DCLRE1C: variants seen among roughly 807,000 people sequenced by gnomAD.
DCLRE1C encodes the protein protein artemis.
DCLRE1C carries 47 observed loss-of-function variants against 61.4 expected under a neutral mutation model. The observed-to-expected ratio is 0.77, with a 90% confidence interval of 0.61 to 0.98. The LOEUF is 0.98. Ranked by LOEUF, DCLRE1C falls within the 50% of genes least tolerant of loss-of-function variation. The pLI, the probability that DCLRE1C is intolerant of heterozygous loss-of-function variation, is 0.00. For missense variants in DCLRE1C, 858 were observed against 816.0 expected, an observed-to-expected ratio of 1.05 and a Z score of -0.63; for synonymous variants, 337 against 287.6, an observed-to-expected ratio of 1.17 and a Z score of -1.74.
chr10:14,921,512 C>G (rs1464961288), intron 12 of DCLRE1C, among the ~76,000 whole-genome samples: 2 of 152,118 alleles, frequency 1.3e-5, no homozygotes, highest in African/African-American at 2.4e-5. Flanking sequence ...ATAGTCTGTC[C>G]TCAGTATTTT....
At chr10:14,910,995 T>C (rs1365553105) in intron 13 of DCLRE1C, among the ~76,000 whole-genome samples, 2 of 152,046 alleles carry the variant, frequency 1.3e-5, no homozygotes, top group East Asian at 3.9e-4. Context: ...AAGTGGAACA[T>C]TGAAGAAATA....
intron 2 of DCLRE1C, among the ~76,000 whole-genome samples, chr10:14,947,280 GT>G (rs748463338): frequency 1.4e-4 from 22 of 152,214 alleles, no homozygotes; most frequent in Middle Eastern, 3.4e-3. Context: ...AGCTGTGTGA[GT>G]TTTCCCAGCC....
chr10:14,931,857 G>C (rs1839052221), intron 9 of DCLRE1C, among the ~76,000 whole-genome samples: 1 of 152,052 alleles, frequency 6.6e-6, no homozygotes. Context: ...TGGCCAACAT[G>C]GCGAAACCCC....
intron 5 of DCLRE1C, 65 bp downstream of exon 5, chr10:14,936,473 T>A: frequency 2.1e-6 from 3 of 1,395,932 alleles, no homozygotes; most frequent in Non-Finnish European, 3.0e-6. Flanking sequence ...ACCCTAAAAA[T>A]TTATTTCTAC....
At position 14,908,029 on chromosome 10, in the gene DCLRE1C, TTTC is replaced by T. The variant is rs1281408874; in HGVS notation, c.*376_*378del. The T allele has an allele frequency of 5.5e-6, 1 of 182,768 alleles. No homozygotes were observed. Among genetic ancestry groups the T allele is most frequent in the Non-Finnish European group, 1.1e-5 (1 of 88,740 alleles). The allele number at this position is 182,768 out of a possible 1,614,324, so 11.3% of individuals were successfully genotyped here. A position where few individuals can be genotyped will look rare whatever the true frequency, so the allele number is the denominator to read the frequency against. On this transcript the variant is annotated 3_prime_UTR_variant, in exon 14 of 14. Coordinates refer to ENST00000378278, the MANE Select transcript of DCLRE1C (RefSeq NM_001033855.3). ...GGCATGAGCCACCGTGCCTGGCCTTTTTCTTTTTTAAACAGGGTCTTGCTCTGT... is the reference window on the plus strand; with the variant it reads ...GGCATGAGCCACCGTGCCTGGCCTTTTTTTTTAAACAGGGTCTTGCTCTGT...
rs533016271 is a variant in DCLRE1C at position 14,906,366 on chromosome 10, T to G, written c.*2042A>C. 3.1e-4 allele frequency among the ~76,000 whole-genome samples: 47 copies of G among 152,364 alleles called. 1 individual carries two copies. The highest frequency in any genetic ancestry group is 9.1e-4 in the Admixed American group (14 of 15,306). On this transcript the variant is annotated 3_prime_UTR_variant, in exon 14 of 14. Transcript: ENST00000378278. ...CTTGATCACATCTGTTGTAGTTGTCTTAGCCCAATTCATTCAGCCAGCATT... is the reference window on the plus strand; with the variant it reads ...CTTGATCACATCTGTTGTAGTTGTCGTAGCCCAATTCATTCAGCCAGCATT...
chr10:14,916,146 T>A (rs1306590415), intron 13 of DCLRE1C, among the ~76,000 whole-genome samples: 1 of 152,152 alleles, frequency 6.6e-6, no homozygotes, highest in Non-Finnish European at 1.5e-5. Context: ...GGTGAAATAA[T>A]GAACTTAATG....
chr10:14,919,680 C>T, intron 13 of DCLRE1C, 58 bp downstream of exon 13: 1 of 1,376,930 alleles, frequency 7.3e-7, no homozygotes, highest in Non-Finnish European at 1.0e-6. Context: ...CCCAAGCTCC[C>T]TGGAAAGCAG....
chr10:14,932,725 C>T (rs960625104), intron 9 of DCLRE1C, 129 bp downstream of exon 9: 7 of 1,069,692 alleles, frequency 6.5e-6, no homozygotes, highest in Admixed American at 1.9e-5. Context: ...TGACCTTGAG[C>T]TAACAACTTA....
rs188010903 is a variant in DCLRE1C at position 14,947,782 on chromosome 10, A to C, written c.161+1254T>G. Among the ~76,000 whole-genome samples the C allele has an allele frequency of 3.2e-4, 48 of 152,288 alleles. No individual in the cohort carries two copies. In the East Asian group the frequency reaches 7.5e-3, roughly 24 times the overall value. ...GTGACCAAAAAAAATTACTGAGGCCAGGAGTGGTGGCTCATGCCTGTAATC... is the reference window on the plus strand; with the variant it reads ...GTGACCAAAAAAAATTACTGAGGCCCGGAGTGGTGGCTCATGCCTGTAATC... On this transcript the variant is annotated intron_variant, in intron 2 of 13. Transcript: ENST00000378278.
At chr10:14,924,472 TC>T (rs1284562534) in intron 11 of DCLRE1C, among the ~76,000 whole-genome samples, 1 of 152,224 alleles carries the variant, frequency 6.6e-6, no homozygotes, top group Non-Finnish European at 1.5e-5. Flanking sequence ...ACCTAATGTC[TC>T]TAATTTTAGA....
At chr10:14,902,347 AATTT>A (rs1240810335), downstream of DCLRE1C, 2 of 1,242,512 alleles carry the variant, frequency 1.6e-6, no homozygotes, top group South Asian at 1.5e-5. Context: ...GAAAATTTGA[AATTT>A]ATTCTAAATT....
intron 5 of DCLRE1C, among the ~76,000 whole-genome samples, chr10:14,935,975 C>G (rs1839842342): frequency 2.0e-5 from 3 of 152,218 alleles, no homozygotes. Context: ...GTGGCTCAAT[C>G]TTGGCTCACT....
intron 1 of DCLRE1C, among the ~76,000 whole-genome samples, chr10:14,952,769 G>A (rs879598255): frequency 2.6e-5 from 4 of 152,094 alleles, no homozygotes; most frequent in Non-Finnish European, 4.4e-5. Context: ...ATACGGCAAC[G>A]CACGAGAAGA....
chr10:14,933,521 A>G (rs1336905053), intron 8 of DCLRE1C, among the ~76,000 whole-genome samples: 1 of 151,930 alleles, frequency 6.6e-6, no homozygotes, highest in African/African-American at 2.4e-5. Context: ...CCTGTAATCC[A>G]AGCTACTCGG....
At chr10:14,950,641 A>G (rs527776333) in intron 1 of DCLRE1C, among the ~76,000 whole-genome samples, 63 of 152,292 alleles carry the variant, frequency 4.1e-4, no homozygotes, top group African/African-American at 1.5e-3. Flanking sequence ...CCTGGGCAGC[A>G]TTCTCCGTAA....
chr10:14,918,688 CAT>C (rs1836616984), intron 13 of DCLRE1C, among the ~76,000 whole-genome samples: 1 of 150,408 alleles, frequency 6.6e-6, no homozygotes, highest in African/African-American at 2.4e-5. Context: ...GGATGCATTA[CAT>C]AATAGAGTTA....
chr10:14,928,349 C>T (rs910435636), intron 9 of DCLRE1C, among the ~76,000 whole-genome samples, 197 bp from the exon 10 acceptor site: 1 of 152,090 alleles, frequency 6.6e-6, no homozygotes, highest in African/African-American at 2.4e-5. Flanking sequence ...AACAACTGGG[C>T]TGGACTCTTC....
chr10:14,922,377 G>T (rs772981165), intron 12 of DCLRE1C, among the ~76,000 whole-genome samples: 2 of 151,772 alleles, frequency 1.3e-5, no homozygotes, highest in South Asian at 2.1e-4. Flanking sequence ...GGAGGTGGAG[G>T]TTGCAGTGAG....
Sources: allele counts gnomAD v4.1 joint callset (sites outside exome capture counted in the v4.1 genomes callset), GRCh38; gene constraint gnomAD v4.1.1; transcripts MANE v1.5; gene names NCBI Gene and HGNC (gene_info 2026-07-23, HGNC 2026-07-21).